Variants in RFX7 observed in about 807,000 individuals in gnomAD.
RFX7 encodes the protein DNA-binding protein RFX7.
In RFX7, 26 loss-of-function variants were observed where a neutral mutation model predicts 111.8. That is an observed-to-expected ratio of 0.23 (90% confidence interval 0.17 to 0.32). The LOEUF (loss-of-function observed/expected upper bound fraction) is 0.32, where lower values mean the gene tolerates loss of function less well. Among genes scored for constraint, RFX7 ranks in the 10% least tolerant of loss-of-function variants. RFX7 has a pLI of 1.00. For synonymous variants in RFX7, 624 were observed against 624.4 expected, an observed-to-expected ratio of 1.00 and a Z score of 0.01; for missense variants, 1,573 against 1,772.9, an observed-to-expected ratio of 0.89 and a Z score of 2.02.
chr15:56,189,145 G>C (rs1327370520), intron 2 of RFX7, among the ~76,000 whole-genome samples: 3 of 152,192 alleles, frequency 2.0e-5, no homozygotes, highest in Non-Finnish European at 2.9e-5. Context: ...AAAAGGCTTT[G>C]GGAAGCCAAG....
chr15:56,150,507 C>G (rs569830609), intron 3 of RFX7, among the ~76,000 whole-genome samples: 2 of 152,204 alleles, frequency 1.3e-5, no homozygotes, highest in South Asian at 4.1e-4. Flanking sequence ...GCTGGTGATA[C>G]CCAGACAAAC....
At chr15:56,138,121 T>C (rs1226986728) in intron 5 of RFX7, among the ~76,000 whole-genome samples, 5 of 139,214 alleles carry the variant, frequency 3.6e-5, no homozygotes, top group Non-Finnish European at 7.7e-5. Flanking sequence ...TCTGTAGATG[T>C]CTATTAGGTC....
At position 56,243,839 on chromosome 15, in the gene RFX7, G is replaced by A. The variant is rs1350041150; in HGVS notation, c.-397C>T. Among the ~76,000 whole-genome samples the A allele has an allele frequency of 6.8e-6, 1 of 147,234 alleles. No individual in the cohort carries two copies. The highest frequency in any genetic ancestry group is 2.4e-5 in the African/African-American group (1 of 40,862). ...CGGCCCCGCCGCCGCCGCGGCCGCC[G>A]CTGCCCTGCCAGCCCCGGAGGCAGC... On this transcript the variant is annotated 5_prime_UTR_variant, in exon 1 of 10. Transcript: ENST00000559447.
At chr15:56,138,495 G>A (rs1459149299) in intron 5 of RFX7, among the ~76,000 whole-genome samples, 6 of 147,934 alleles carry the variant, frequency 4.1e-5, no homozygotes, top group African/African-American at 1.5e-4. Flanking sequence ...CTTTTATTTT[G>A]AGCCTATGTG....
At chr15:56,243,062 C>CCCCCCCCAATGA in intron 2 of RFX7, 63 bp downstream of exon 2, 1 of 1,049,048 alleles carries the variant, frequency 9.5e-7, no homozygotes, top group Non-Finnish European at 1.3e-6. Flanking sequence ...CGCCGCCCCC[C>CCCCCCCCAATGA]ACCCACTTTG....
Position 56,095,231 on chromosome 15 carries a change from G to C in RFX7, c.2497C>G (p.Gln833Glu), listed in dbSNP as rs775123863. The stretch of plus-strand genomic sequence containing the variant: ...TCCTGTATCTGGCTATGTAGCTGCT[G>C]GCTATATGTGTCCTGTGGCATTCCT... ...LEGMPQDTYS[Q>E]QLHSQIQESS... The change falls in exon 10 of 10, where the codon CAG becomes GAG. Residue 833 changes from glutamine (Q) to glutamate (E), a missense_variant. Physicochemically the swap from Gln to Glu is conservative, Grantham distance 29 (BLOSUM62 2). Transcript: ENST00000559447. 5 of 1,613,382 alleles carry C rather than the reference G, an allele frequency of 3.1e-6. No individual in the cohort carries two copies. In the African/African-American group the frequency reaches 6.7e-5, roughly 22 times the overall value.
In RFX7 at chr15:56,095,138, A is replaced by T. The variant is rs773622011; in HGVS notation, c.2590T>A (p.Phe864Ile). 6.2e-7 allele frequency: 1 copy of T among 1,613,708 alleles called. No homozygotes were observed. Among genetic ancestry groups the T allele is most frequent in the Non-Finnish European group, 8.5e-7 (1 of 1,179,780 alleles). ...TTTGTCTGGGAAACAGAAGGCTCAA[A>T]CTCCTTCAGTTCAGATTGCAGAGGT... The part of the protein sequence containing the change: ...QLPLQSELKE[F>I]EPSVSQTNES... Residue 864 changes from phenylalanine (F) to isoleucine (I), a missense_variant, in exon 10 of 10, where the codon TTT becomes ATT. Phe to Ile is a conservative substitution (Grantham distance 21). Around this residue, in one of 7 missense-constraint regions of RFX7, gnomAD observed 625 missense variants for 632.2 expected, o/e 0.99. Transcript: ENST00000559447.
intron 2 of RFX7, among the ~76,000 whole-genome samples, chr15:56,239,535 G>A (rs146539321): frequency 0.014 from 2,137 of 151,948 alleles, 36 homozygotes; most frequent in Admixed American, 0.023. Context: ...CCAGAGTGCT[G>A]GGATTACAGG....
At chr15:56,178,277 A>C (rs143668826) in intron 3 of RFX7, among the ~76,000 whole-genome samples, 15 of 152,110 alleles carry the variant, frequency 9.9e-5, no homozygotes, top group African/African-American at 3.4e-4. Context: ...TTAGCTAGCT[A>C]TTAGGTTAGA....
intron 3 of RFX7, among the ~76,000 whole-genome samples, chr15:56,170,170 T>G (rs1312019708): frequency 9.2e-5 from 14 of 152,196 alleles, no homozygotes; most frequent in Non-Finnish European, 1.0e-4. Flanking sequence ...ATGCATATGT[T>G]CCTATACTCA....
rs144558936 is a variant in RFX7 at position 56,114,531 on chromosome 15, A to C, written c.402-10861T>G. ...GTTTTGGGCAGAACAATGATATAGT[A>C]TGTTGAACAATGATAGTAGTACTAG... On this transcript the variant is annotated intron_variant, in intron 5 of 9. Coordinates refer to ENST00000559447, the MANE Select transcript of RFX7 (RefSeq NM_022841.7). Among the ~76,000 whole-genome samples the C allele has an allele frequency of 9.7e-4, 147 of 152,112 alleles. 1 individual carries two copies. The highest frequency in any genetic ancestry group is 1.4e-3 in the Non-Finnish European group (94 of 68,000).
In RFX7 at chr15:56,094,094, T is replaced by C; in HGVS notation, c.3634A>G (p.Thr1212Ala). 6.2e-7 allele frequency: 1 copy of C among 1,614,034 alleles called. No homozygotes were observed. Among genetic ancestry groups the C allele is most frequent in the South Asian group, 1.1e-5 (1 of 91,088 alleles). The change falls in exon 10 of 10, where the codon ACA becomes GCA. Residue 1212 changes from threonine to alanine, a missense_variant. Thr to Ala is a moderately conservative substitution (Grantham distance 58). Around this residue, in one of 7 missense-constraint regions of RFX7, gnomAD observed 411 missense variants for 478.1 expected, o/e 0.86. Transcript: ENST00000559447. ...GCTATGTTGTTGGCACATGCGTCTG[T>C]GTGAACATTTGTGAAAACATGAACT... ...PEVHVFTNVH[T>A]DACANNIAQR...
intron 2 of RFX7, among the ~76,000 whole-genome samples, chr15:56,216,461 A>G (rs1462757376): frequency 6.6e-6 from 1 of 152,160 alleles, no homozygotes; most frequent in Admixed American, 6.5e-5. Flanking sequence ...CTGCATCCAT[A>G]GTTATGACTC....
chr15:56,203,697 T>C (rs180836611), intron 2 of RFX7, among the ~76,000 whole-genome samples: 1,928 of 152,112 alleles, frequency 0.013, 19 homozygotes, highest in Non-Finnish European at 0.019. Context: ...CCTCTGGTCA[T>C]CCTCACTGCC....
intron 2 of RFX7, among the ~76,000 whole-genome samples, chr15:56,231,632 G>GC (rs1428420594): frequency 2.6e-5 from 4 of 151,950 alleles, no homozygotes; most frequent in Non-Finnish European, 5.9e-5. Flanking sequence ...ATTCCACCCT[G>GC]CCCCCCTCAA....
intron 2 of RFX7, among the ~76,000 whole-genome samples, chr15:56,216,196 G>A (rs1456162364): frequency 6.6e-6 from 1 of 152,132 alleles, no homozygotes; most frequent in Non-Finnish European, 1.5e-5. Context: ...TCCTTCCTAA[G>A]TTCTGAGTTT....
At chr15:56,188,519 C>T (rs2043065412) in intron 2 of RFX7, among the ~76,000 whole-genome samples, 1 of 152,164 alleles carries the variant, frequency 6.6e-6, no homozygotes, top group Admixed American at 6.5e-5. Flanking sequence ...ATAAAAAGCA[C>T]ACTGTGAAAG....
chr15:56,207,715 GC>G (rs2043268597), intron 2 of RFX7, among the ~76,000 whole-genome samples: 1 of 152,102 alleles, frequency 6.6e-6, no homozygotes, highest in Non-Finnish European at 1.5e-5. Flanking sequence ...TTTAAAAAGA[GC>G]TAGGACTTCT....
chr15:56,159,390 A>G (rs2042694672), intron 3 of RFX7, among the ~76,000 whole-genome samples: 1 of 152,184 alleles, frequency 6.6e-6, no homozygotes, highest in Non-Finnish European at 1.5e-5. Flanking sequence ...CACAAGAGCA[A>G]GAGTCCTCCA....
Sources: allele counts gnomAD v4.1 joint callset (sites outside exome capture counted in the v4.1 genomes callset), GRCh38; gene constraint gnomAD v4.1.1; regional missense constraint gnomAD v4.1.1; transcripts MANE v1.5; gene names NCBI Gene and HGNC (gene_info 2026-07-23, HGNC 2026-07-21).